Variants in UTP20 observed in about 807,000 individuals in gnomAD.
UTP20 encodes UTP20 small subunit processome component, also known as small subunit processome component 20 homolog.
In UTP20, 164 loss-of-function variants were observed where a neutral mutation model predicts 329.5. That is an observed-to-expected ratio of 0.50 (90% CI 0.44 to 0.57). The LOEUF (loss-of-function observed/expected upper bound fraction) is 0.57, where lower values mean the gene tolerates loss of function less well. Among genes scored for constraint, UTP20 ranks in the 20% least tolerant of loss-of-function variants. The pLI is 0.00. For missense variants in UTP20, 3,055 were observed against 3,284.2 expected (o/e 0.93, Z 1.71); for synonymous variants, 1,151 against 1,159.3 (o/e 0.99, Z 0.14).
At position 101,383,026 on chromosome 12, in the gene UTP20, C is replaced by A; in HGVS notation, c.7657-15C>A. 1 of 1,577,712 alleles carries A rather than the reference C, an allele frequency of 6.3e-7. No individual in the cohort carries two copies. The highest frequency in any genetic ancestry group is 1.2e-5 in the South Asian group (1 of 84,266). ...CAATGTCCAATTTCTTCCCCCACCC[C>A]GTTTTTTTTTAAAGGTTGTTAAGAA... On this transcript the variant is annotated splice_polypyrimidine_tract_variant and intron_variant, in intron 58 of 61. Coordinates refer to ENST00000261637, the MANE Select transcript of UTP20 (RefSeq NM_014503.3).
At chr12:101,345,467 T>G in intron 36 of UTP20, 87 bp from the exon 37 acceptor site, 1 of 1,000,152 alleles carries the variant, frequency 1.0e-6, no homozygotes, top group Non-Finnish European at 1.4e-6. Context: ...TTTTACTTTT[T>G]AAAATTTTAT....
At chr12:101,376,715 C>T (rs1011732043) in intron 56 of UTP20, among the ~76,000 whole-genome samples, 3 of 152,096 alleles carry the variant, frequency 2.0e-5, no homozygotes, top group African/African-American at 7.2e-5. Flanking sequence ...GGCACGATCT[C>T]AGCACACTGC....
intron 12 of UTP20, among the ~76,000 whole-genome samples, chr12:101,297,278 C>T (rs1160701155): frequency 1.3e-5 from 2 of 152,148 alleles, no homozygotes; most frequent in African/African-American, 4.8e-5. Context: ...TGCAGTGGCA[C>T]AATCACGGCT....
intron 43 of UTP20, among the ~76,000 whole-genome samples, chr12:101,358,774 G>GT (rs1384349134): frequency 6.6e-6 from 1 of 151,432 alleles, no homozygotes; most frequent in Admixed American, 6.6e-5. Context: ...CCCAACTGTT[G>GT]TAACAAGGTT....
rs529046897 is a variant in UTP20, at chr12:101,315,753, A to G, written c.2553-1725A>G. Among the ~76,000 whole-genome samples, 11 of 152,326 alleles carry G rather than the reference A, an allele frequency of 7.2e-5. No individual in the cohort carries two copies. The South Asian group carries it at 2.1e-3, about 29-fold the overall frequency. On this transcript the variant is annotated intron_variant, in intron 21 of 61. Transcript: ENST00000261637. ...ACACTTATCAGTTTTTTGAACTGCA[A>G]GGGCTGTACATATGCCAGCTGGCAT... is the stretch of plus-strand genomic sequence containing the variant.
At chr12:101,356,513 C>G in intron 41 of UTP20, 41 bp from the exon 42 acceptor site, 2 of 1,537,886 alleles carry the variant, frequency 1.3e-6, no homozygotes, top group Non-Finnish European at 1.8e-6. Flanking sequence ...ATCACTGATC[C>G]ATTTATTTTC....
At chr12:101,373,836 T>C in intron 54 of UTP20, 69 bp downstream of exon 54, 1 of 1,512,388 alleles carries the variant, frequency 6.6e-7, no homozygotes, top group Non-Finnish European at 9.0e-7. Flanking sequence ...TAAGTAAGAA[T>C]ATATGTCATA....
chr12:101,312,241 C>T lies in UTP20; in HGVS notation c.2517C>T (p.Ser839=). 3 of 1,614,184 alleles carry T rather than the reference C, an allele frequency of 1.9e-6. No individual in the cohort carries two copies. The highest frequency in any genetic ancestry group is 2.5e-6 in the Non-Finnish European group (3 of 1,180,040). ...TKFPERVEPR[S]RELSPLFLRF... is the part of the protein sequence containing the mutation. ...TCCCAGAAAGAGTAGAGCCACGGTC[C>T]AGGGAGCTTTCCCCGCTTTTCTTGA... is the stretch of plus-strand genomic sequence containing the variant. The change falls in exon 21 of 62, where the codon TCC becomes TCT. Residue 839 remains serine (S), a synonymous_variant. Coordinates refer to ENST00000261637, the MANE Select transcript of UTP20 (RefSeq NM_014503.3).
chr12:101,354,617 GTTTA>G (rs1869653924), intron 40 of UTP20, among the ~76,000 whole-genome samples: 1 of 152,110 alleles, frequency 6.6e-6, no homozygotes, highest in African/African-American at 2.4e-5. Context: ...ATAATCGGCA[GTTTA>G]TTTGTCTCTC....
chr12:101,369,856 G>A lies in UTP20; in HGVS notation c.6520G>A (p.Gly2174Ser), dbSNP rs1870226765. ...KDYAKLGAAR[G>S]QNFHLVVNCF... is the part of the protein sequence containing the mutation. The stretch of plus-strand genomic sequence containing the variant: ...CTATGCAAAGCTCGGGGCCGCCAGG[G>A]GCCAGAACTTCCACCTTGTGGTCAA... Residue 2174 changes from glycine (G) to serine (S), a missense_variant, in exon 49 of 62, where the codon GGC becomes AGC. Physicochemically the swap from Gly to Ser is moderately conservative, Grantham distance 56. Transcript: ENST00000261637. The A allele has an allele frequency of 1.2e-6, 2 of 1,613,952 alleles. No individual in the cohort carries two copies. Among genetic ancestry groups the A allele is most frequent in the South Asian group, 2.2e-5 (2 of 91,064 alleles).
chr12:101,355,985 A>G (rs944285303), intron 41 of UTP20, among the ~76,000 whole-genome samples: 1 of 152,044 alleles, frequency 6.6e-6, no homozygotes, highest in Admixed American at 6.6e-5. Flanking sequence ...TTTTTTTCTC[A>G]TGGCTTCTTC....
intron 29 of UTP20, among the ~76,000 whole-genome samples, chr12:101,335,630 TTTA>T (rs1164499004): frequency 5.3e-5 from 8 of 152,188 alleles, no homozygotes; most frequent in African/African-American, 2.4e-5. Flanking sequence ...CAGAAAAGGT[TTTA>T]TTATTGATTC....
At chr12:101,313,233 GT>G (rs768870348) in intron 21 of UTP20, among the ~76,000 whole-genome samples, 3 of 152,188 alleles carry the variant, frequency 2.0e-5, no homozygotes, top group Non-Finnish European at 4.4e-5. Context: ...GGAAAATGCT[GT>G]AGGGTTAGGT....
intron 39 of UTP20, 120 bp downstream of exon 39, chr12:101,352,314 G>A: frequency 1.8e-6 from 2 of 1,127,486 alleles, no homozygotes; most frequent in African/African-American, 1.6e-5. Context: ...GGACATTTGG[G>A]TTGGTTCCAA....
intron 2 of UTP20, among the ~76,000 whole-genome samples, chr12:101,282,094 C>T (rs954107903): frequency 8.5e-5 from 13 of 152,278 alleles, no homozygotes; most frequent in Admixed American, 2.6e-4. Context: ...TATACCTTGG[C>T]GATCCAATCT....
At chr12:101,371,428 T>C (rs1052072221) in intron 51 of UTP20, among the ~76,000 whole-genome samples, 1 of 151,806 alleles carries the variant, frequency 6.6e-6, no homozygotes, top group Non-Finnish European at 1.5e-5. Context: ...AGAGCTTAGC[T>C]TGGTTGAGGA....
rs546794095 is a variant in UTP20, at chr12:101,361,726, G to C, written c.5692-236G>C. 2.0e-5 allele frequency among the ~76,000 whole-genome samples: 3 copies of C among 152,252 alleles called. No homozygotes were observed. The East Asian group carries it at 5.8e-4, about 29-fold the overall frequency. On this transcript the variant is annotated intron_variant, in intron 43 of 61. Transcript: ENST00000261637. The stretch of plus-strand genomic sequence containing the variant: ...CTTTATAAATCACTGGCCTGGTTTA[G>C]TCACAACAATAGATCCTAAGAATGG...
Position 101,306,745 on chromosome 12 carries a change from T to C in UTP20, c.1979T>C (p.Leu660Pro). 6.2e-7 allele frequency: 1 copy of C among 1,605,950 alleles called. No individual in the cohort carries two copies. The highest frequency in any genetic ancestry group is 8.5e-7 in the Non-Finnish European group (1 of 1,175,536). The part of the protein sequence containing the change: ...IRILNHFDVQ[L>P]PESMEDDGLS... ...ATCCTAAACCATTTTGATGTCCAGC[T>C]TCCAGAATCAATGGAGGTATTTTAA... The change falls in exon 17 of 62, where the codon CTT (leucine) becomes CCT (proline). Residue 660 changes from leucine (L) to proline (P), a missense_variant. Physicochemically the swap from Leu to Pro is moderately conservative, Grantham distance 98. Transcript: ENST00000261637.
chr12:101,338,730 C>G, intron 30 of UTP20, 83 bp from the exon 31 acceptor site: 1 of 1,218,950 alleles, frequency 8.2e-7, no homozygotes, highest in Middle Eastern at 2.7e-4. Flanking sequence ...TGGTTGAGTG[C>G]TTTTCTTATC....
Sources: gnomAD v4.1 joint callset for allele counts (sites outside exome capture counted in the v4.1 genomes callset) on GRCh38, gnomAD v4.1.1 for gene constraint, MANE v1.5 for transcripts, NCBI Gene and HGNC (gene_info 2026-07-23, HGNC 2026-07-21) for gene names.